REC114: variants seen among roughly 807,000 people sequenced by gnomAD.
REC114 encodes meiotic recombination protein REC114.
Under a neutral mutation model 31.3 loss-of-function variants are expected in REC114, and 27 were observed. The observed-to-expected ratio is 0.86, with a 90% CI of 0.64 to 1.19. The LOEUF is 1.19. Ranked by LOEUF, REC114 falls within the 50% of genes most tolerant of loss-of-function variation. REC114 has a pLI of 0.00. For synonymous variants in REC114, 134 were observed against 127.7 expected, an observed-to-expected ratio of 1.05 and a Z score of -0.33; for missense variants, 344 against 326.9, an observed-to-expected ratio of 1.05 and a Z score of -0.40.
At chr15:73,509,410 T>C (rs1267526302) in intron 2 of REC114, among the ~76,000 whole-genome samples, 3 of 151,028 alleles carry the variant, frequency 2.0e-5, no homozygotes, top group Non-Finnish European at 4.4e-5. Context: ...ACTCTGATGG[T>C]AGTTTCTTTT....
intron 1 of REC114, among the ~76,000 whole-genome samples, chr15:73,459,133 TCA>T (rs1892955279): frequency 6.6e-6 from 1 of 152,234 alleles, no homozygotes; most frequent in African/African-American, 2.4e-5. Context: ...GCATCTGATC[TCA>T]CATACCATTT....
intron 2 of REC114, among the ~76,000 whole-genome samples, chr15:73,529,855 C>G (rs1371153086): frequency 6.6e-6 from 1 of 152,152 alleles, no homozygotes; most frequent in Non-Finnish European, 1.5e-5. Context: ...TGACTTTGAT[C>G]TGTAGTGTCA....
intron 2 of REC114, among the ~76,000 whole-genome samples, chr15:73,505,570 C>T (rs568409675): frequency 6.6e-6 from 1 of 151,988 alleles, no homozygotes; most frequent in East Asian, 1.9e-4. Context: ...CTTGCTCTGT[C>T]GCCCAGGCTG....
intron 2 of REC114, among the ~76,000 whole-genome samples, chr15:73,484,502 G>GT (rs1893340134): frequency 6.6e-6 from 1 of 152,130 alleles, no homozygotes; most frequent in African/African-American, 2.4e-5. Context: ...AGTGGAATTC[G>GT]TAACTCCTTT....
intron 1 of REC114, among the ~76,000 whole-genome samples, chr15:73,447,953 A>G (rs937935622): frequency 6.6e-6 from 1 of 152,154 alleles, no homozygotes; most frequent in Non-Finnish European, 1.5e-5. Context: ...GGAATGGTGC[A>G]CAGATACTGT....
At chr15:73,546,038 A>C (rs952167951) in intron 3 of REC114, among the ~76,000 whole-genome samples, 2 of 152,144 alleles carry the variant, frequency 1.3e-5, no homozygotes, top group Non-Finnish European at 2.9e-5. Context: ...GTAGGCTTTC[A>C]ATGACTCCTG....
At chr15:73,542,917 T>C (rs982910585) in intron 3 of REC114, among the ~76,000 whole-genome samples, 10 of 151,950 alleles carry the variant, frequency 6.6e-5, no homozygotes, top group Non-Finnish European at 1.3e-4. Flanking sequence ...TTTACAGGGT[T>C]CTTGAGATAG....
intron 1 of REC114, among the ~76,000 whole-genome samples, chr15:73,445,721 A>T (rs1892754871): frequency 6.6e-6 from 1 of 152,172 alleles, no homozygotes; most frequent in Admixed American, 6.5e-5. Context: ...AGGCTGGTGG[A>T]TGGAGCAGTT....
chr15:73,532,702 C>T (rs1028580355), intron 2 of REC114, among the ~76,000 whole-genome samples: 6 of 152,240 alleles, frequency 3.9e-5, no homozygotes, highest in East Asian at 1.9e-4. Flanking sequence ...AAAGATACTC[C>T]TCGAGAAGAG....
At chr15:73,542,173 A>C (rs1894247253) in intron 3 of REC114, among the ~76,000 whole-genome samples, 2 of 151,880 alleles carry the variant, frequency 1.3e-5, no homozygotes. Context: ...TTTTTTAAAA[A>C]TACAAAAATT....
At chr15:73,480,002 G>A (rs1362835417) in intron 2 of REC114, among the ~76,000 whole-genome samples, 1 of 151,994 alleles carries the variant, frequency 6.6e-6, no homozygotes, top group Non-Finnish European at 1.5e-5. Context: ...ATTTTTTGAG[G>A]AAACTCCATA....
chr15:73,456,929 TTTTAA>T (rs1892922977), intron 1 of REC114, among the ~76,000 whole-genome samples: 1 of 152,200 alleles, frequency 6.6e-6, no homozygotes, highest in African/African-American at 2.4e-5. Context: ...AATAACAGTT[TTTTAA>T]TTTGTTTTTA....
chr15:73,504,855 T>C (rs1229891972), intron 2 of REC114, among the ~76,000 whole-genome samples: 5 of 152,190 alleles, frequency 3.3e-5, no homozygotes, highest in African/African-American at 7.2e-5. Context: ...TTTAAAAATA[T>C]AGATGTTTTA....
At chr15:73,556,025 C>T (rs1245757498) in intron 4 of REC114, among the ~76,000 whole-genome samples, 2 of 152,150 alleles carry the variant, frequency 1.3e-5, no homozygotes, top group African/African-American at 4.8e-5. Context: ...AGAGGAATGC[C>T]CCAGTGTCTG....
intron 3 of REC114, among the ~76,000 whole-genome samples, chr15:73,547,216 TAATCTGATTAA>T (rs1894322656): frequency 6.6e-6 from 1 of 152,110 alleles, no homozygotes; most frequent in Non-Finnish European, 1.5e-5. Context: ...AAAAATCTAA[TAATCTGATTAA>T]AAAATGGGCA....
intron 3 of REC114, 88 bp downstream of exon 3, chr15:73,540,656 G>A (rs956008007): frequency 9.1e-6 from 10 of 1,100,970 alleles, no homozygotes; most frequent in East Asian, 2.4e-5. Flanking sequence ...GGTAGGTGAC[G>A]GGTACTGGGA....
chr15:73,529,934 C>T (rs1894054512), intron 2 of REC114, among the ~76,000 whole-genome samples: 1 of 152,156 alleles, frequency 6.6e-6, no homozygotes, highest in African/African-American at 2.4e-5. Context: ...CATGGCATAT[C>T]ATGATTTCTA....
chr15:73,455,996 T>A (rs1163610561), intron 1 of REC114, among the ~76,000 whole-genome samples: 1 of 152,184 alleles, frequency 6.6e-6, no homozygotes, highest in African/African-American at 2.4e-5. Flanking sequence ...GTAAAATTGA[T>A]AAAATGAATT....
rs148014359 is a variant in REC114, at chr15:73,504,239, C to T, written c.249+30318C>T. ...CCAGATGGTCTCGATCTCTTAACCT[C>T]GTGATCGCCCTCCTCAGCCTCCCAA... is the stretch of plus-strand genomic sequence containing the variant. On this transcript the variant is annotated intron_variant, in intron 2 of 5. Coordinates refer to ENST00000331090, the MANE Select transcript of REC114 (RefSeq NM_001042367.2). Among the ~76,000 whole-genome samples, 677 of 152,078 alleles carry T rather than the reference C, an allele frequency of 4.5e-3. 5 individuals carry two copies. Among genetic ancestry groups the T allele is most frequent in the African/African-American group, 0.016 (647 of 41,510 alleles).
Sources: gnomAD v4.1 joint callset for allele counts (sites outside exome capture counted in the v4.1 genomes callset) on GRCh38, gnomAD v4.1.1 for gene constraint, MANE v1.5 for transcripts, NCBI Gene and HGNC (gene_info 2026-07-23, HGNC 2026-07-21) for gene names.